Variants in ELK4 observed in about 807,000 individuals in gnomAD.
ELK4 encodes ETS domain-containing protein Elk-4.
A neutral mutation model predicts 29.6 loss-of-function variants in ELK4; 16 were observed. The observed-to-expected ratio is 0.54, with a 90% CI of 0.37 to 0.82. The LOEUF (loss-of-function observed/expected upper bound fraction) is 0.82. Among genes scored for constraint, ELK4 ranks in the 40% least tolerant of loss-of-function variants. ELK4 has a pLI of 0.00. For synonymous variants in ELK4, 213 were observed against 191.1 expected (o/e 1.11, Z -0.95); for missense variants, 465 against 507.1 (o/e 0.92, Z 0.80).
chr1:205,623,077 G>C (rs1670381487), intron 2 of ELK4, among the ~76,000 whole-genome samples: 1 of 149,324 alleles, frequency 6.7e-6, no homozygotes, highest in African/African-American at 2.5e-5. Flanking sequence ...AGAATAGCTT[G>C]AACCCTGGAG....
chr1:205,618,690 T>C (rs1670275841), intron 4 of ELK4, among the ~76,000 whole-genome samples: 2 of 151,972 alleles, frequency 1.3e-5, no homozygotes, highest in South Asian at 4.1e-4. Flanking sequence ...AGACGTGGTG[T>C]TGCACACCTG....
At position 205,608,449 on chromosome 1, in the gene ELK4, A is replaced by ATG. The variant is rs1426795309; in HGVS notation, c.*8096_*8097insCA. 5.0e-6 allele frequency: 1 copy of ATG among 200,438 alleles called. No individual in the cohort carries two copies. Among genetic ancestry groups the ATG allele is most frequent in the East Asian group, 7.7e-5 (1 of 12,960 alleles). 12.4% of individuals were successfully genotyped at this position (200,438 alleles called of 1,614,324 possible). A position where few individuals can be genotyped will look rare whatever the true frequency, so the allele number is the denominator to read the frequency against. ...TAGAGCAATATCCCTTTGTTTCCCA[A>ATG]CAGGTAAGTCAGACTGCTTAGCTAG... On this transcript the variant is annotated 3_prime_UTR_variant, in exon 5 of 5. Transcript: ENST00000357992.
chr1:205,623,339 T>A (rs1670389868), intron 2 of ELK4, among the ~76,000 whole-genome samples: 1 of 138,094 alleles, frequency 7.2e-6, no homozygotes, highest in African/African-American at 2.8e-5. Context: ...TGAGACGGAG[T>A]CTCACTGTCA....
In ELK4 at chr1:205,625,999, A is replaced by C. The variant is rs913692162; in HGVS notation, c.-9-2108T>G. On this transcript the variant is annotated intron_variant, in intron 1 of 4. Transcript: ENST00000357992. ...GCCCAGTTCTACTTCTTGATCCAGA[A>C]GCGAATTCATCTCCGAGCTGAGGAT... is the stretch of plus-strand genomic sequence containing the variant. The C allele has an allele frequency of 1.5e-5, 21 of 1,388,020 alleles. No homozygotes were observed. In the African/African-American group the frequency reaches 2.6e-4, roughly 17 times the overall value. The allele number at this position is 1,388,020 out of a possible 1,614,324, so 86.0% of individuals were successfully genotyped here. A position where few individuals can be genotyped will look rare whatever the true frequency, so the allele number is the denominator to read the frequency against.
In ELK4 at chr1:205,618,949, A is replaced by T. The variant is rs976456790; in HGVS notation, c.1197+8T>A. 3 of 1,594,324 alleles carry T rather than the reference A, an allele frequency of 1.9e-6. No individual in the cohort carries two copies. In the African/African-American group the frequency reaches 4.0e-5, roughly 21 times the overall value. Reference sequence around the variant, plus strand: ...CCAACTACAGAAGACAGATATTTATAAAATTACCTGGAAAAGTGTGTTAGC... The same window carrying T: ...CCAACTACAGAAGACAGATATTTATTAAATTACCTGGAAAAGTGTGTTAGC... On this transcript the variant is annotated splice_region_variant and intron_variant, in intron 4 of 4. Transcript: ENST00000357992.
At chr1:205,625,808 A>G (rs12048218) in intron 1 of ELK4, 2 of 611,988 alleles carry the variant, frequency 3.3e-6, no homozygotes, top group Non-Finnish European at 2.9e-6. Context: ...CCTCCCGAGT[A>G]GCTGGGATTA....
chr1:205,626,189 C>CT (rs2102384459), intron 1 of ELK4: 1 of 607,096 alleles, frequency 1.6e-6, no homozygotes, highest in Middle Eastern at 3.0e-4. Context: ...GGGTCTCATT[C>CT]TACAGAGAGG....
Position 205,616,000 on chromosome 1 carries a change from C to A in ELK4, c.*546G>T, listed in dbSNP as rs1670226554. 2 of 224,438 alleles carry A rather than the reference C, an allele frequency of 8.9e-6. No homozygotes were observed. The highest frequency in any genetic ancestry group is 3.5e-4 in the South Asian group (2 of 5,658). 13.9% of individuals were successfully genotyped at this position (224,438 alleles called of 1,614,324 possible). A position where few individuals can be genotyped will look rare whatever the true frequency, so the allele number is the denominator to read the frequency against. ...CAAAACAATCTCCCCAGTATGACTG[C>A]TCCAATCTTACTTTGTATGAATAGG... On this transcript the variant is annotated 3_prime_UTR_variant, in exon 5 of 5. Coordinates refer to ENST00000357992, the MANE Select transcript of ELK4 (RefSeq NM_001973.4).
chr1:205,620,318 G>T lies in ELK4; in HGVS notation c.728C>A (p.Ser243Tyr). ...GGTGGCAAAAGCAGTCATTACGTTA[G>T]AGGCAGAGGTTGGGGCTTCCAGGGA... ...LPSLEAPTSASNVMTAFATTP... is the reference protein window; with the variant it reads ...LPSLEAPTSAYNVMTAFATTP... Residue 243 changes from serine to tyrosine, a missense_variant, in exon 3 of 5, where the codon TCT (serine) becomes TAT (tyrosine). By Grantham distance (144) the Ser-to-Tyr change is moderately radical (BLOSUM62 -2). Coordinates refer to ENST00000357992, the MANE Select transcript of ELK4 (RefSeq NM_001973.4). 2 of 1,614,216 alleles carry T rather than the reference G, an allele frequency of 1.2e-6. No homozygotes were observed. The highest frequency in any genetic ancestry group is 1.7e-6 in the Non-Finnish European group (2 of 1,180,040).
intron 4 of ELK4, among the ~76,000 whole-genome samples, chr1:205,617,713 T>C (rs1670257394): frequency 1.3e-5 from 2 of 151,506 alleles, no homozygotes; most frequent in Admixed American, 6.6e-5. Context: ...ACCAGCCTGA[T>C]CAACATGAAG....
At chr1:205,621,482 G>T (rs968752312) in intron 2 of ELK4, among the ~76,000 whole-genome samples, 1 of 152,010 alleles carries the variant, frequency 6.6e-6, no homozygotes, top group Admixed American at 6.6e-5. Context: ...AATTCCAAAG[G>T]TATAAGCCAT....
At position 205,613,311 on chromosome 1, in the gene ELK4, T is replaced by G. The variant is rs889236359; in HGVS notation, c.*3235A>C. On this transcript the variant is annotated 3_prime_UTR_variant, in exon 5 of 5. Transcript: ENST00000357992. ...ACACCAAGACTCCATCTCTAAAAAA[T>G]TAAATTAAAGGATTACTGAAAGATC... 6.8e-5 allele frequency: 13 copies of G among 191,040 alleles called. No homozygotes were observed. Among genetic ancestry groups the G allele is most frequent in the African/African-American group, 3.0e-4 (13 of 42,736 alleles). The allele number at this position is 191,040 out of a possible 1,614,324, so 11.8% of individuals were successfully genotyped here.
At chr1:205,626,019 G>A (rs1257120826) in intron 1 of ELK4, 2 of 1,452,654 alleles carry the variant, frequency 1.4e-6, no homozygotes, top group African/African-American at 1.4e-5. Context: ...TCTCCGAGCT[G>A]AGGATGCCTT....
At chr1:205,619,280 A>T (rs1192072821) in intron 3 of ELK4, 38 of 1,054,008 alleles carry the variant, frequency 3.6e-5, no homozygotes, top group East Asian at 1.3e-4. Context: ...AAAATTTTTT[A>T]AATTTTTATT....
At chr1:205,619,779 A>G (rs369525669) in intron 3 of ELK4, 187 bp downstream of exon 3, 134 of 1,516,952 alleles carry the variant, frequency 8.8e-5, no homozygotes, top group Non-Finnish European at 1.1e-4. Flanking sequence ...AAAATACTCC[A>G]AACTTTCTAT....
rs1321763120 is a variant in ELK4 at position 205,631,924 on chromosome 1, C to T, written c.-302G>A. Reference sequence around the variant, plus strand: ...GCCGGGCGCGCGCGTTCGGGGCGTTCCTTGCAGCGGCGGGGCCTGCCAGGC... The same window carrying T: ...GCCGGGCGCGCGCGTTCGGGGCGTTTCTTGCAGCGGCGGGGCCTGCCAGGC... On this transcript the variant is annotated 5_prime_UTR_variant, in exon 1 of 5. Transcript: ENST00000357992. 6.6e-6 allele frequency: 1 copy of T among 151,000 alleles called. No homozygotes were observed. The highest frequency in any genetic ancestry group is 1.5e-5 in the Non-Finnish European group (1 of 67,612). 9.4% of individuals were successfully genotyped at this position (151,000 alleles called of 1,614,324 possible). A position where few individuals can be genotyped will look rare whatever the true frequency, so the allele number is the denominator to read the frequency against.
chr1:205,622,481 C>G (rs1670370510), intron 2 of ELK4, among the ~76,000 whole-genome samples: 1 of 152,160 alleles, frequency 6.6e-6, no homozygotes, highest in African/African-American at 2.4e-5. Flanking sequence ...GCAGCCTCAA[C>G]CACTTGAGCT....
chr1:205,625,665 T>C (rs769583652), intron 1 of ELK4: 42 of 848,704 alleles, frequency 4.9e-5, no homozygotes, highest in Non-Finnish European at 6.1e-5. Flanking sequence ...TGGTCAGTTC[T>C]GCTGCTGCTG....
chr1:205,616,668 T>A, intron 4 of ELK4, 24 bp from the exon 5 acceptor site: 1 of 1,599,824 alleles, frequency 6.3e-7, no homozygotes, highest in Non-Finnish European at 8.6e-7. Flanking sequence ...CAAAACACAT[T>A]ATCATCCTAT....
Sources: gnomAD v4.1 joint callset for allele counts (sites outside exome capture counted in the v4.1 genomes callset) on GRCh38, gnomAD v4.1.1 for gene constraint, MANE v1.5 for transcripts, NCBI Gene and HGNC (gene_info 2026-07-23, HGNC 2026-07-21) for gene names.